SURF1: variants seen among roughly 807,000 people sequenced by gnomAD.
SURF1 encodes surfeit locus protein 1.
Under a neutral mutation model 34.1 loss-of-function variants are expected in SURF1, and 45 were observed. The observed-to-expected ratio is 1.32, with a 90% CI of 1.04 to 1.69. SURF1 has a LOEUF of 1.69. Ranked by LOEUF, SURF1 falls within the 40% of genes most tolerant of loss-of-function variation. The pLI is 0.00. For missense variants in SURF1, 456 were observed against 384.6 expected, an observed-to-expected ratio of 1.19 and a Z score of -1.55; for synonymous variants, 188 against 147.5, an observed-to-expected ratio of 1.27 and a Z score of -1.99.
intron 7 of SURF1, 64 bp from the exon 8 acceptor site, chr9:133,352,206 G>A (rs1836437827): frequency 4.0e-6 from 6 of 1,509,966 alleles, no homozygotes; most frequent in Non-Finnish European, 4.5e-6. Flanking sequence ...CCACTTCCTA[G>A]TGGCTGTCAT....
chr9:133,354,766 A>G, intron 3 of SURF1, 25 bp from the exon 4 acceptor site: 2 of 1,613,750 alleles, frequency 1.2e-6, no homozygotes, highest in Non-Finnish European at 1.7e-6. Flanking sequence ...CATAAGGCCA[A>G]GCAGATGGCA....
chr9:133,352,245 TG>T (rs1360586315), intron 7 of SURF1, 103 bp from the exon 8 acceptor site: 1 of 1,386,084 alleles, frequency 7.2e-7, no homozygotes, highest in Non-Finnish European at 9.9e-7. Context: ...AAGTCCTGTA[TG>T]GCCTTTACGT....
intron 4 of SURF1, 79 bp downstream of exon 4, chr9:133,354,580 G>A (rs1161308176): frequency 1.3e-5 from 20 of 1,558,168 alleles, no homozygotes; most frequent in Non-Finnish European, 1.8e-5. Flanking sequence ...ACCAAAAGGG[G>A]CAAGCTGGCC....
chr9:133,354,522 T>C, intron 4 of SURF1, 137 bp downstream of exon 4: 1 of 1,041,918 alleles, frequency 9.6e-7, no homozygotes, highest in Non-Finnish European at 1.5e-6. Flanking sequence ...AACAGATGAC[T>C]GATAATGAGA....
rs2130019383 is a variant in SURF1, at chr9:133,354,875, C to T, written c.189G>A (p.Gln63=). The stretch of plus-strand genomic sequence containing the variant: ...TCACAGGGATGAGGAGCAGGACCCA[C>T]TGAAGAAAGGAGTCATCTTCCGCTT... ...ATKAEDDSFL[Q]WVLLLIPVTA... The change falls in exon 3 of 9, where the codon CAG becomes CAA. Residue 63 remains glutamine, a synonymous_variant. Coordinates refer to ENST00000371974, the MANE Select transcript of SURF1 (RefSeq NM_003172.4). 24 of 1,613,970 alleles carry T rather than the reference C, an allele frequency of 1.5e-5. No homozygotes were observed. The highest frequency in any genetic ancestry group is 2.2e-5 in the East Asian group (1 of 44,896).
At chr9:133,353,961 T>C (rs1021369592) in intron 4 of SURF1, 21 bp from the exon 5 acceptor site, 1 of 1,613,652 alleles carries the variant, frequency 6.2e-7, no homozygotes, top group Non-Finnish European at 8.5e-7. Flanking sequence ...ATAAGAACAG[T>C]GGCCGAGCAA....
chr9:133,354,797 T>C, intron 3 of SURF1, 27 bp downstream of exon 3: 1 of 1,613,532 alleles, frequency 6.2e-7, no homozygotes, highest in Non-Finnish European at 8.5e-7. Flanking sequence ...GGGCCCAGAG[T>C]TACGCACACC....
In SURF1 at chr9:133,352,132, G is replaced by A; in HGVS notation, c.762C>T (p.Val254=). The A allele has an allele frequency of 6.2e-7, 1 of 1,601,832 alleles. No individual in the cohort carries two copies. The highest frequency in any genetic ancestry group is 1.7e-4 in the Middle Eastern group (1 of 6,038). Residue 254 remains valine (V), a synonymous_variant, in exon 8 of 9, where the codon GTC becomes GTT. Transcript: ENST00000371974. Reference sequence around the variant, plus strand: ...TTTGCCCTCCAATGGGTCCTCCAGGGACTGTGCTCTCTGTGGAGACAGCAG... The same window carrying A: ...TTTGCCCTCCAATGGGTCCTCCAGGAACTGTGCTCTCTGTGGAGACAGCAG... ...IFIDANFQST[V]PGGPIGGQTR...
In SURF1 at chr9:133,352,620, GGT is replaced by G. The variant is rs2130008570; in HGVS notation, c.589-14_589-13del. 6.2e-6 allele frequency: 10 copies of G among 1,614,128 alleles called. No homozygotes were observed. The highest frequency in any genetic ancestry group is 7.6e-6 in the Non-Finnish European group (9 of 1,179,998). ...ACTTCTCCCTCAATCTATAAAGGAA[GGT>G]GTGTGAGATTGCATGGAGCCTGGTG... is the stretch of plus-strand genomic sequence containing the variant. On this transcript the variant is annotated splice_polypyrimidine_tract_variant and intron_variant, in intron 6 of 8. Coordinates refer to ENST00000371974, the MANE Select transcript of SURF1 (RefSeq NM_003172.4).
rs2130009577 is a variant in SURF1 at position 133,352,717 on chromosome 9, G to C, written c.565C>G (p.Pro189Ala). The C allele has an allele frequency of 1.2e-6, 2 of 1,613,358 alleles. No individual in the cohort carries two copies. Among genetic ancestry groups the C allele is most frequent in the Admixed American group, 3.3e-5 (2 of 59,952 alleles). Residue 189 changes from proline (P) to alanine (A), a missense_variant, in exon 6 of 9, where the codon CCT (proline) becomes GCT (alanine). Coordinates refer to ENST00000371974, the MANE Select transcript of SURF1 (RefSeq NM_003172.4). ...ACCTGGCCTTTCTGCCGGGTTTCAG[G>C]ATTCACTTTCTTCCTGGGAACGAAC... Reference protein sequence around the residue: ...RGFVPRKKVNPETRQKGQIEG... With the variant: ...RGFVPRKKVNAETRQKGQIEG...
intron 4 of SURF1, chr9:133,354,341 G>A: frequency 4.0e-6 from 2 of 499,056 alleles, no homozygotes; most frequent in South Asian, 4.2e-5. Context: ...CCCTCACGGT[G>A]AGACCTACAT....
chr9:133,352,093 CAG>C lies in SURF1; in HGVS notation c.799_800del (p.Leu267GlufsTer24), dbSNP rs2130004529. 2 of 1,610,386 alleles carry C rather than the reference CAG, an allele frequency of 1.2e-6. No homozygotes were observed. Among genetic ancestry groups the C allele is most frequent in the South Asian group, 2.2e-5 (2 of 90,310 alleles). ...GPIGGQTRVT[L>X]RNEHLQYIVT... ...CGATGTACTGCAGATGCTCGTTCCT[CAG>C]AGTAACTCTGGTTTGCCCTCCAATG... On this transcript the variant is annotated frameshift_variant, in exon 8 of 9. Transcript: ENST00000371974. LOFTEE classifies it high-confidence loss of function.
Position 133,354,873 on chromosome 9 carries a change from C to T in SURF1, c.191G>A (p.Trp64Ter), listed in dbSNP as rs1836528660. The T allele has an allele frequency of 1.2e-6, 2 of 1,613,944 alleles. No homozygotes were observed. Among genetic ancestry groups the T allele is most frequent in the East Asian group, 2.2e-5 (1 of 44,890 alleles). ...TKAEDDSFLQ[W>*]VLLLIPVTAF... ...AGTCACAGGGATGAGGAGCAGGACC[C>T]ACTGAAGAAAGGAGTCATCTTCCGC... The change falls in exon 3 of 9, where the codon TGG becomes TAG. Residue 64 changes from tryptophan (W) to a stop codon, truncating the protein, a stop_gained. Coordinates refer to ENST00000371974, the MANE Select transcript of SURF1 (RefSeq NM_003172.4). LOFTEE classifies it high-confidence loss of function.
Position 133,353,813 on chromosome 9 carries a change from G to C in SURF1, c.451C>G (p.Leu151Val), listed in dbSNP as rs2130014697. The C allele has an allele frequency of 6.8e-6, 11 of 1,613,832 alleles. No homozygotes were observed. Among genetic ancestry groups the C allele is most frequent in the Non-Finnish European group, 9.3e-6 (11 of 1,180,048 alleles). ...DPVREAREGG[L>V]ISSSTQSGAY... ...CCACTCTGAGTTGAGGAGGAGATGA[G>C]GCCGCCCTCCCGGGCCTCCCGGACA... Residue 151 changes from leucine to valine, a missense_variant, in exon 5 of 9, where the codon CTC becomes GTC. Coordinates refer to ENST00000371974, the MANE Select transcript of SURF1 (RefSeq NM_003172.4).
At position 133,352,145 on chromosome 9, in the gene SURF1, G is replaced by GT. The variant is rs1159512660; in HGVS notation, c.752-4dup. 2.5e-6 allele frequency: 4 copies of GT among 1,593,618 alleles called. No individual in the cohort carries two copies. The highest frequency in any genetic ancestry group is 2.6e-6 in the Non-Finnish European group (3 of 1,169,242). ...GGGTCCTCCAGGGACTGTGCTCTCT[G>GT]TGGAGACAGCAGACTCAAGTCCACC... On this transcript the variant is annotated splice_polypyrimidine_tract_variant and splice_region_variant and intron_variant, in intron 7 of 8. Coordinates refer to ENST00000371974, the MANE Select transcript of SURF1 (RefSeq NM_003172.4).
chr9:133,355,008 C>G, intron 2 of SURF1, 51 bp from the exon 3 acceptor site: 1 of 1,607,694 alleles, frequency 6.2e-7, no homozygotes, highest in Non-Finnish European at 8.5e-7. Flanking sequence ...CGAACACAGA[C>G]CTGGAGCAGC....
At chr9:133,354,185 T>A in intron 4 of SURF1, 1 of 589,824 alleles carries the variant, frequency 1.7e-6, no homozygotes, top group Non-Finnish European at 3.0e-6. Context: ...TTAAAAAATA[T>A]GTGGGCCAAA....
At position 133,353,786 on chromosome 9, in the gene SURF1, C is replaced by T; in HGVS notation, c.478G>A (p.Ala160Thr). 1 of 1,613,838 alleles carries T rather than the reference C, an allele frequency of 6.2e-7. No individual in the cohort carries two copies. Among genetic ancestry groups the T allele is most frequent in the Non-Finnish European group, 8.5e-7 (1 of 1,180,038 alleles). ...CAGTGGAAGGGAGTGACCACATAGG[C>T]CCCACTCTGAGTTGAGGAGGAGATG... ...GLISSSTQSG[A>T]YVVTPFHCTD... Residue 160 changes from alanine to threonine, a missense_variant, in exon 5 of 9, where the codon GCC becomes ACC. Ala to Thr is a moderately conservative substitution (Grantham distance 58). Coordinates refer to ENST00000371974, the MANE Select transcript of SURF1 (RefSeq NM_003172.4).
rs782036327 is a variant in SURF1 at position 133,354,838 on chromosome 9, A to T, written c.226T>A (p.Leu76Met). 6.2e-7 allele frequency: 1 copy of T among 1,613,876 alleles called. No individual in the cohort carries two copies. Among genetic ancestry groups the T allele is most frequent in the Admixed American group, 1.7e-5 (1 of 60,006 alleles). Reference protein sequence around the residue: ...LLLIPVTAFGLGTWQVQRRKW... With the variant: ...LLLIPVTAFGMGTWQVQRRKW... ...CCGGTCTTTACCTGCCATGTCCCCA[A>T]GCCAAAGGCAGTCACAGGGATGAGG... Residue 76 changes from leucine (L) to methionine (M), a missense_variant, in exon 3 of 9, where the codon TTG (leucine) becomes ATG (methionine). Coordinates refer to ENST00000371974, the MANE Select transcript of SURF1 (RefSeq NM_003172.4).
Sources: gnomAD v4.1 joint callset for allele counts on GRCh38, gnomAD v4.1.1 for gene constraint, MANE v1.5 for transcripts, NCBI Gene and HGNC (gene_info 2026-07-23, HGNC 2026-07-21) for gene names.